CDH4: variants seen among roughly 807,000 people sequenced by gnomAD.
CDH4 encodes the protein cadherin-4.
Under a neutral mutation model 86.0 loss-of-function variants are expected in CDH4, and 33 were observed. The ratio of observed to expected loss-of-function variants is 0.38; its 90% CI spans 0.29 to 0.51. The LOEUF is 0.51. Among genes scored for constraint, CDH4 ranks in the 20% least tolerant of loss-of-function variants. The pLI is 0.86. For synonymous variants in CDH4, 555 were observed against 549.4 expected (o/e 1.01, Z -0.14); for missense variants, 1,114 against 1,307.4 (o/e 0.85, Z 2.28).
intron 2 of CDH4, among the ~76,000 whole-genome samples, chr20:61,383,350 T>TATATGTG (rs2084919914): frequency 1.9e-5 from 2 of 103,758 alleles, no homozygotes; most frequent in African/African-American, 1.1e-4. Flanking sequence ...TATATATGAA[T>TATATGTG]ATATATGGAT....
intron 2 of CDH4, among the ~76,000 whole-genome samples, chr20:61,373,361 A>T (rs960900540): frequency 2.6e-5 from 4 of 152,158 alleles, no homozygotes; most frequent in African/African-American, 9.7e-5. Context: ...GCACCCGTTG[A>T]ATGAAATGGG....
At chr20:61,787,225 G>A (rs1399904548) in intron 4 of CDH4, among the ~76,000 whole-genome samples, 1 of 151,928 alleles carries the variant, frequency 6.6e-6, no homozygotes, top group Non-Finnish European at 1.5e-5. Flanking sequence ...TGGTTCTCAC[G>A]CTGCTAATAA....
chr20:61,840,369 A>T (rs1331162867), intron 4 of CDH4, among the ~76,000 whole-genome samples: 1 of 152,158 alleles, frequency 6.6e-6, no homozygotes, highest in Non-Finnish European at 1.5e-5. Context: ...TCAAAACCAC[A>T]CAGGGTGACT....
At chr20:61,541,617 G>A (rs1468894249) in intron 2 of CDH4, among the ~76,000 whole-genome samples, 1 of 152,130 alleles carries the variant, frequency 6.6e-6, no homozygotes, top group Non-Finnish European at 1.5e-5. Context: ...GTGATCTCCT[G>A]CCTTCTCCAG....
intron 2 of CDH4, among the ~76,000 whole-genome samples, chr20:61,313,091 A>G (rs887546594): frequency 3.3e-5 from 5 of 152,342 alleles, no homozygotes; most frequent in East Asian, 1.9e-4. Context: ...GAGGAAATGC[A>G]TAGAACAGGC....
intron 2 of CDH4, among the ~76,000 whole-genome samples, chr20:61,385,700 C>T (rs1330612606): frequency 1.3e-5 from 2 of 152,154 alleles, no homozygotes; most frequent in African/African-American, 4.8e-5. Flanking sequence ...AGCTTCTCCA[C>T]ACGCCAGGTT....
intron 2 of CDH4, among the ~76,000 whole-genome samples, chr20:61,400,046 A>G (rs1398765169): frequency 6.6e-6 from 1 of 152,210 alleles, no homozygotes; most frequent in Non-Finnish European, 1.5e-5. Context: ...GCTGGGCAGC[A>G]CGTTTTGGGA....
At chr20:61,664,120 A>G (rs1160434403) in intron 2 of CDH4, among the ~76,000 whole-genome samples, 2 of 152,074 alleles carry the variant, frequency 1.3e-5, no homozygotes, top group Non-Finnish European at 2.9e-5. Flanking sequence ...CTGACCCTGC[A>G]CCGTGGGCCA....
chr20:61,675,845 C>T (rs547894347), intron 2 of CDH4, among the ~76,000 whole-genome samples: 9 of 152,210 alleles, frequency 5.9e-5, no homozygotes, highest in Non-Finnish European at 1.3e-4. Flanking sequence ...GCTTTGGGCT[C>T]AGCCAAGCAC....
rs113692884 is a variant in CDH4 at position 61,396,829 on chromosome 20, G to C, written c.169+141892G>C. On this transcript the variant is annotated intron_variant, in intron 2 of 15. Transcript: ENST00000614565. ...GGCTGGAAGCCCTGGGGTGGGGAGG[G>C]ATGCCCCAGGGCTCTAGTGGTTTTC... Among the ~76,000 whole-genome samples the C allele has an allele frequency of 8.8e-3, 1,339 of 152,318 alleles. 12 individuals carry two copies. The highest frequency in any genetic ancestry group is 0.02 in the African/African-American group (828 of 41,576).
intron 6 of CDH4, among the ~76,000 whole-genome samples, chr20:61,859,986 A>C (rs1359312714): frequency 2.6e-5 from 4 of 152,252 alleles, no homozygotes; most frequent in African/African-American, 9.6e-5. Context: ...GGGTGGCCCC[A>C]GGCAAGCTCC....
At chr20:61,802,524 T>C (rs919043634) in intron 4 of CDH4, among the ~76,000 whole-genome samples, 1 of 152,132 alleles carries the variant, frequency 6.6e-6, no homozygotes, top group Non-Finnish European at 1.5e-5. Flanking sequence ...CTGCAGAGCA[T>C]CGCTTTGAAG....
intron 2 of CDH4, among the ~76,000 whole-genome samples, chr20:61,679,945 C>T (rs895619023): frequency 3.9e-5 from 6 of 152,178 alleles, no homozygotes; most frequent in African/African-American, 1.2e-4. Flanking sequence ...CCCAGGGCCT[C>T]GGGTAGCCTG....
intron 2 of CDH4, among the ~76,000 whole-genome samples, chr20:61,331,647 C>CCCCCGCCAACT: frequency 2.6e-5 from 1 of 37,932 alleles, no homozygotes; most frequent in Non-Finnish European, 5.5e-5. Flanking sequence ...ACCCACCTCC[C>CCCCCGCCAACT]GCCCCAGCCA....
chr20:61,725,464 A>G (rs1568779735), intron 2 of CDH4, among the ~76,000 whole-genome samples: 1 of 152,198 alleles, frequency 6.6e-6, no homozygotes, highest in Non-Finnish European at 1.5e-5. Flanking sequence ...CAGTATCAAC[A>G]GGAGCTGCCT....
In CDH4 at chr20:61,659,005, G is replaced by C. The variant is rs964370274; in HGVS notation, c.170-84558G>C. ...GTTTCTAACAGGCCCCCAGGCTGCTGTGGCTGGTCTTGAACTCATGGTGAG... is the reference window on the plus strand; with the variant it reads ...GTTTCTAACAGGCCCCCAGGCTGCTCTGGCTGGTCTTGAACTCATGGTGAG... On this transcript the variant is annotated intron_variant, in intron 2 of 15. Transcript: ENST00000614565. Among the ~76,000 whole-genome samples, 4 of 152,328 alleles carry C rather than the reference G, an allele frequency of 2.6e-5. 1 individual carries two copies. The highest frequency in any genetic ancestry group is 2.6e-4 in the Admixed American group (4 of 15,302).
At chr20:61,749,796 C>T (rs377662166) in intron 3 of CDH4, among the ~76,000 whole-genome samples, 30 of 152,314 alleles carry the variant, frequency 2.0e-4, no homozygotes, top group African/African-American at 6.7e-4. Context: ...CGTGGTGGCT[C>T]GTGCCTGTAA....
chr20:61,303,107 G>T (rs2084394587), intron 2 of CDH4, among the ~76,000 whole-genome samples: 1 of 152,220 alleles, frequency 6.6e-6, no homozygotes, highest in Admixed American at 6.5e-5. Context: ...AAGCCATGGG[G>T]TTTGTGGTGA....
At chr20:61,534,850 G>C (rs891892205) in intron 2 of CDH4, among the ~76,000 whole-genome samples, 3 of 124,692 alleles carry the variant, frequency 2.4e-5, no homozygotes, top group Non-Finnish European at 5.2e-5. Flanking sequence ...AGCAGCCTCT[G>C]GTGGGACAGT....
Sources: allele counts gnomAD v4.1 joint callset (sites outside exome capture counted in the v4.1 genomes callset), GRCh38; gene constraint gnomAD v4.1.1; transcripts MANE v1.5; gene names NCBI Gene and HGNC (gene_info 2026-07-23, HGNC 2026-07-21).